The following BCAS3 variants were observed in gnomAD, a reference collection of about 807,000 sequenced individuals.
The protein encoded by BCAS3 is BCAS4/BCAS3 fusion.
Under a neutral mutation model 116.1 loss-of-function variants are expected in BCAS3, and 53 were observed. That is an observed-to-expected ratio of 0.46 (90% CI 0.37 to 0.57). The LOEUF is 0.57. Ranked by LOEUF, BCAS3 falls within the 20% of genes least tolerant of loss-of-function variation. BCAS3 has a pLI of 0.00. For synonymous variants in BCAS3, 391 were observed against 408.2 expected, an observed-to-expected ratio of 0.96 and a Z score of 0.51; for missense variants, 917 against 1,165.4, an observed-to-expected ratio of 0.79 and a Z score of 3.10.
chr17:60,996,977 A>C (rs1163378987), intron 15 of BCAS3, among the ~76,000 whole-genome samples: 1 of 152,144 alleles, frequency 6.6e-6, no homozygotes, highest in African/African-American at 2.4e-5. Context: ...TTTGGCACCA[A>C]GGACCGGTTT....
At position 60,683,938 on chromosome 17, in the gene BCAS3, A is replaced by G. The variant is rs376708535; in HGVS notation, c.84-44A>G. The G allele has an allele frequency of 3.3e-6, 5 of 1,525,550 alleles. No individual in the cohort carries two copies. In the East Asian group the frequency reaches 1.1e-4, roughly 34 times the overall value. 94.5% of individuals were successfully genotyped at this position (1,525,550 alleles called of 1,614,324 possible). ...AAATAGAGCTTTTTTCATGTTCTATATTAAGCTCTCCTGACCAGTGTTGTC... is the reference window on the plus strand; with the variant it reads ...AAATAGAGCTTTTTTCATGTTCTATGTTAAGCTCTCCTGACCAGTGTTGTC... On this transcript the variant is annotated intron_variant, in intron 2 of 23. Coordinates refer to ENST00000407086, the MANE Select transcript of BCAS3 (RefSeq NM_017679.5).
intron 8 of BCAS3, among the ~76,000 whole-genome samples, chr17:60,872,391 CACAT>C (rs2055186964): frequency 6.6e-6 from 1 of 151,036 alleles, no homozygotes; most frequent in African/African-American, 2.4e-5. Context: ...TGTATATACA[CACAT>C]ACACACACAT....
Position 61,069,387 on chromosome 17 carries a change from G to A in BCAS3, c.2030-5533G>A, listed in dbSNP as rs146110109. Among the ~76,000 whole-genome samples, 49 of 152,266 alleles carry A rather than the reference G, an allele frequency of 3.2e-4. 1 individual carries two copies. The East Asian group carries it at 7.9e-3, about 25-fold the overall frequency. ...AAAGAAGAAACAAAGAAGAACCTGC[G>A]CCACAAGGACAAAAAACAGAAAATG... On this transcript the variant is annotated intron_variant, in intron 19 of 23. Transcript: ENST00000407086.
rs2076623682 is a variant in BCAS3, at chr17:61,136,144, T to C, written c.2425+51580T>C. Among the ~76,000 whole-genome samples the C allele has an allele frequency of 6.6e-6, 1 of 152,214 alleles. No individual in the cohort carries two copies. The highest frequency in any genetic ancestry group is 2.4e-5 in the African/African-American group (1 of 41,448). On this transcript the variant is annotated intron_variant, in intron 22 of 23. Transcript: ENST00000407086. The surrounding 1 kb of genome is among the most constrained non-coding windows in gnomAD (Gnocchi z 4.4). Reference sequence around the variant, plus strand: ...GCACCTCTTAGACTCCAAAATGCTTTGCACCTATTTAAATGTTTTCCCGTG... The same window carrying C: ...GCACCTCTTAGACTCCAAAATGCTTCGCACCTATTTAAATGTTTTCCCGTG...
intron 22 of BCAS3, among the ~76,000 whole-genome samples, chr17:61,280,558 CTG>C (rs2051152291): frequency 6.6e-6 from 1 of 152,150 alleles, no homozygotes; most frequent in Admixed American, 6.5e-5. Flanking sequence ...AATTTATTCT[CTG>C]TGCTTCAATG....
rs193207321 is a variant in BCAS3 at position 61,039,949 on chromosome 17, A to T, written c.1929-843A>T. On this transcript the variant is annotated intron_variant, in intron 18 of 23. Coordinates refer to ENST00000407086, the MANE Select transcript of BCAS3 (RefSeq NM_017679.5). ...CTCTGAAAGTAATTCTCCAAGATACAGTGGTTAAGCCTTATAGGAATGTTT... is the reference window on the plus strand; with the variant it reads ...CTCTGAAAGTAATTCTCCAAGATACTGTGGTTAAGCCTTATAGGAATGTTT... Among the ~76,000 whole-genome samples, 292 of 152,356 alleles carry T rather than the reference A, an allele frequency of 1.9e-3. 2 individuals carry two copies. The highest frequency in any genetic ancestry group is 6.2e-3 in the African/African-American group (256 of 41,598).
chr17:61,296,878 T>A (rs1258291251), intron 22 of BCAS3, among the ~76,000 whole-genome samples: 7 of 152,146 alleles, frequency 4.6e-5, no homozygotes, highest in Admixed American at 4.6e-4. Flanking sequence ...CTTGGAGTTG[T>A]AGGAGAAATA....
rs1259445179 is a variant in BCAS3, at chr17:61,377,008, T to G, written c.2593+8514T>G. Among the ~76,000 whole-genome samples the G allele has an allele frequency of 6.6e-6, 1 of 152,184 alleles. No homozygotes were observed. The highest frequency in any genetic ancestry group is 2.4e-5 in the African/African-American group (1 of 41,442). On this transcript the variant is annotated intron_variant, in intron 23 of 23. Coordinates refer to ENST00000407086, the MANE Select transcript of BCAS3 (RefSeq NM_017679.5). The surrounding 1 kb of genome is among the most constrained non-coding windows in gnomAD (Gnocchi z 4.6). ...ACAAGTTTCCTACCCTCAAAGAGATTAAAGCCCCAGAGGAGGCCACAATAC... is the reference window on the plus strand; with the variant it reads ...ACAAGTTTCCTACCCTCAAAGAGATGAAAGCCCCAGAGGAGGCCACAATAC...
intron 22 of BCAS3, among the ~76,000 whole-genome samples, chr17:61,109,914 T>A (rs2143723602): frequency 6.6e-6 from 1 of 152,370 alleles, no homozygotes; most frequent in Non-Finnish European, 1.5e-5. Flanking sequence ...GCTAATTATT[T>A]CTTTTGCTGT....
intron 19 of BCAS3, among the ~76,000 whole-genome samples, chr17:61,067,775 A>G (rs1229918449): frequency 6.6e-6 from 1 of 150,982 alleles, no homozygotes; most frequent in African/African-American, 2.4e-5. Flanking sequence ...ACACATGTAT[A>G]CACAGAAGCC....
At chr17:61,358,049 C>T (rs1009751068) in intron 22 of BCAS3, among the ~76,000 whole-genome samples, 1 of 150,594 alleles carries the variant, frequency 6.6e-6, no homozygotes, top group African/African-American at 2.4e-5. Flanking sequence ...AAGCATGCCA[C>T]TGCCCTACAG....
In BCAS3 at chr17:61,204,787, C is replaced by T. The variant is rs1023533113; in HGVS notation, c.2425+120223C>T. 2.0e-5 allele frequency among the ~76,000 whole-genome samples: 3 copies of T among 152,130 alleles called. No individual in the cohort carries two copies. Among genetic ancestry groups the T allele is most frequent in the Non-Finnish European group, 4.4e-5 (3 of 68,034 alleles). On this transcript the variant is annotated intron_variant, in intron 22 of 23. Transcript: ENST00000407086. This position sits in a 1 kb window ranked among gnomAD's most constrained non-coding sequence, Gnocchi z 4.2. ...AAAGAATTGGCCTGGCATGGTGGCTCATGTCTGTAATCCAAGCACTTTAGG... is the reference window on the plus strand; with the variant it reads ...AAAGAATTGGCCTGGCATGGTGGCTTATGTCTGTAATCCAAGCACTTTAGG...
chr17:61,247,567 A>C (rs975156332), intron 22 of BCAS3, among the ~76,000 whole-genome samples: 1 of 152,140 alleles, frequency 6.6e-6, no homozygotes, highest in Non-Finnish European at 1.5e-5. Flanking sequence ...AAATTCTCCA[A>C]AGTAATTACT....
At chr17:60,741,483 G>C (rs2041544224) in intron 5 of BCAS3, among the ~76,000 whole-genome samples, 1 of 152,176 alleles carries the variant, frequency 6.6e-6, no homozygotes, top group African/African-American at 2.4e-5. Flanking sequence ...TCGAGTCCTT[G>C]AATCTCATTA....
intron 5 of BCAS3, among the ~76,000 whole-genome samples, chr17:60,732,756 T>C (rs1415225409): frequency 6.6e-6 from 1 of 152,116 alleles, no homozygotes; most frequent in Non-Finnish European, 1.5e-5. Context: ...GGAGAATCGC[T>C]TGAACCTGGG....
chr17:60,791,646 A>G (rs549658571), intron 6 of BCAS3, among the ~76,000 whole-genome samples: 1 of 152,306 alleles, frequency 6.6e-6, no homozygotes, highest in South Asian at 2.1e-4. Flanking sequence ...CATCTCTGAA[A>G]AACAGACACA....
rs1243647832 is a variant in BCAS3 at position 61,186,382 on chromosome 17, T to C, written c.2425+101818T>C. Among the ~76,000 whole-genome samples the C allele has an allele frequency of 1.3e-5, 2 of 152,252 alleles. No homozygotes were observed. The highest frequency in any genetic ancestry group is 2.9e-5 in the Non-Finnish European group (2 of 68,044). On this transcript the variant is annotated intron_variant, in intron 22 of 23. Transcript: ENST00000407086. This position sits in a 1 kb window ranked among gnomAD's most constrained non-coding sequence, Gnocchi z 4.9. Reference sequence around the variant, plus strand: ...ATGTATACTGCTTAACGAAAACATTTTTAACCTGTGTGTTGATTTTATTAC... The same window carrying C: ...ATGTATACTGCTTAACGAAAACATTCTTAACCTGTGTGTTGATTTTATTAC...
chr17:60,890,107 G>A (rs1433640907), intron 10 of BCAS3, among the ~76,000 whole-genome samples: 1 of 152,078 alleles, frequency 6.6e-6, no homozygotes, highest in Non-Finnish European at 1.5e-5. Flanking sequence ...AAATCAGGAG[G>A]CAGGAGTAAC....
chr17:61,080,612 T>C (rs1171542447), intron 21 of BCAS3, among the ~76,000 whole-genome samples: 1 of 151,976 alleles, frequency 6.6e-6, no homozygotes, highest in Non-Finnish European at 1.5e-5. Flanking sequence ...TACAAAAAAT[T>C]AGCCGGGCAT....
Sources: gnomAD v4.1 joint callset for allele counts (sites outside exome capture counted in the v4.1 genomes callset) on GRCh38, gnomAD v4.1.1 for gene constraint, Gnocchi (gnomAD v3.1) non-coding constraint, MANE v1.5 for transcripts, NCBI Gene and HGNC (gene_info 2026-07-23, HGNC 2026-07-21) for gene names.